Variants in KAZN observed in about 807,000 individuals in gnomAD.
The protein encoded by KAZN is kazrin, periplakin interacting protein, also known as kazrin.
In KAZN, 40 loss-of-function variants were observed where a neutral mutation model predicts 87.4. The ratio of observed to expected loss-of-function variants is 0.46; its 90% CI spans 0.36 to 0.60. KAZN has a LOEUF of 0.60. KAZN is among the 20% of genes least tolerant of loss of function. The pLI is 0.00. For synonymous variants in KAZN, 466 were observed against 458.3 expected (o/e 1.02, Z -0.22); for missense variants, 898 against 1,073.9 (o/e 0.84, Z 2.29).
At chr1:14,467,352 A>C (rs1189216105) in intron 2 of KAZN, among the ~76,000 whole-genome samples, 2 of 151,940 alleles carry the variant, frequency 1.3e-5, no homozygotes, top group East Asian at 3.8e-4. Context: ...ACAACAAGGA[A>C]AATAAAATGG....
At chr1:14,781,968 G>A (rs978038600) in intron 1 of KAZN, among the ~76,000 whole-genome samples, 1 of 152,142 alleles carries the variant, frequency 6.6e-6, no homozygotes. Flanking sequence ...TGAGTTCTGT[G>A]TCTTTGGACA....
intron 2 of KAZN, among the ~76,000 whole-genome samples, chr1:14,549,881 CTCTT>C (rs1673401120): frequency 6.6e-6 from 1 of 152,190 alleles, no homozygotes; most frequent in African/African-American, 2.4e-5. Context: ...CTCTGGTTTT[CTCTT>C]TCTTTATTTT....
At chr1:15,033,447 G>A (rs1671938272) in intron 2 of KAZN, among the ~76,000 whole-genome samples, 3 of 152,124 alleles carry the variant, frequency 2.0e-5, no homozygotes, top group South Asian at 4.1e-4. Context: ...GAGTAGAATC[G>A]CAGGGTCGTA....
intron 2 of KAZN, among the ~76,000 whole-genome samples, chr1:14,480,099 C>G (rs1039967481): frequency 6.6e-6 from 1 of 152,222 alleles, no homozygotes; most frequent in Non-Finnish European, 1.5e-5. Context: ...CCCACAAGGA[C>G]GGAGACCAGA....
intron 1 of KAZN, among the ~76,000 whole-genome samples, chr1:13,926,393 C>T (rs1350422367): frequency 6.6e-6 from 1 of 152,124 alleles, no homozygotes; most frequent in Non-Finnish European, 1.5e-5. Flanking sequence ...TTTTCTTACC[C>T]TGAAATTTTC....
intron 1 of KAZN, among the ~76,000 whole-genome samples, chr1:14,835,306 G>A (rs957109411): frequency 2.6e-5 from 4 of 152,148 alleles, no homozygotes; most frequent in African/African-American, 9.7e-5. Context: ...AATTAAAATT[G>A]GCTGTAAAGT....
chr1:13,993,231 G>A (rs1327170999), intron 1 of KAZN, among the ~76,000 whole-genome samples: 1 of 152,170 alleles, frequency 6.6e-6, no homozygotes, highest in Non-Finnish European at 1.5e-5. Context: ...AGCACTGCAG[G>A]GGGTTGGAGG....
chr1:15,088,531 C>G (rs934682432), intron 8 of KAZN, among the ~76,000 whole-genome samples: 1 of 152,206 alleles, frequency 6.6e-6, no homozygotes, highest in Non-Finnish European at 1.5e-5. Context: ...TCAGCCAGCA[C>G]CCGCGACTCG....
chr1:14,110,854 G>A lies in KAZN; in HGVS notation c.92-69581G>A, dbSNP rs921111436. On this transcript the variant is annotated intron_variant, in intron 1 of 16. Coordinates refer to the KAZN transcript ENST00000636203. ...TACATGTTAAGATGACAATGACGAT[G>A]TTTTGGCTGTGCTAAATAAAATATA... Among the ~76,000 whole-genome samples the A allele has an allele frequency of 2.2e-5, 3 of 135,190 alleles. 1 individual carries two copies. The highest frequency in any genetic ancestry group is 3.2e-5 in the Non-Finnish European group (2 of 63,062). The allele number at this position is 135,190 out of a possible 152,430, so 88.7% of individuals were successfully genotyped here.
chr1:14,562,679 G>A (rs1291950710), intron 2 of KAZN, among the ~76,000 whole-genome samples: 1 of 152,228 alleles, frequency 6.6e-6, no homozygotes, highest in Non-Finnish European at 1.5e-5. Context: ...ACCTATTTCT[G>A]CAGATGTTGG....
intron 1 of KAZN, among the ~76,000 whole-genome samples, chr1:14,723,999 T>C (rs999520504): frequency 1.3e-5 from 2 of 152,320 alleles, no homozygotes; most frequent in African/African-American, 4.8e-5. Context: ...ACCAGCTCTG[T>C]ACTTTCAGCT....
chr1:14,465,938 G>A (rs1389027494), intron 2 of KAZN, among the ~76,000 whole-genome samples: 1 of 151,976 alleles, frequency 6.6e-6, no homozygotes, highest in Non-Finnish European at 1.5e-5. Flanking sequence ...TCTATATTTA[G>A]GTATGTTTAG....
In KAZN at chr1:14,726,951, C is replaced by G. The variant is rs1348067223; in HGVS notation, c.226+127728C>G. ...TGAAGCTACCTGTCCAAGGCCATCC[C>G]TCTGTGGTGATGCCAACACTCAGAC... is the stretch of plus-strand genomic sequence containing the variant. On this transcript the variant is annotated intron_variant, in intron 1 of 14. Coordinates refer to ENST00000376030, the MANE Select transcript of KAZN (RefSeq NM_201628.3). 2.0e-5 allele frequency among the ~76,000 whole-genome samples: 3 copies of G among 152,180 alleles called. No individual in the cohort carries two copies. The East Asian group carries it at 5.8e-4, about 29-fold the overall frequency.
chr1:14,361,499 A>C (rs1023682877), intron 2 of KAZN, among the ~76,000 whole-genome samples: 1 of 152,344 alleles, frequency 6.6e-6, no homozygotes, highest in Middle Eastern at 3.4e-3. Flanking sequence ...CTAGGGTATG[A>C]AAAAAACTGC....
chr1:13,933,950 T>C (rs1368938267), intron 1 of KAZN, among the ~76,000 whole-genome samples: 1 of 152,142 alleles, frequency 6.6e-6, no homozygotes, highest in Non-Finnish European at 1.5e-5. Flanking sequence ...AAGAAGACCG[T>C]CAGAGACAAA....
rs1347275898 is a variant in KAZN, at chr1:14,382,609, A to G, written c.249+202017A>G. ...TCGCGATAGTTTACTGAGAATGATG[A>G]TTTCCAATTTCATCCATGTCCCTAC... On this transcript the variant is annotated intron_variant, in intron 2 of 16. Transcript: ENST00000636203. Among the ~76,000 whole-genome samples, 3 of 148,154 alleles carry G rather than the reference A, an allele frequency of 2.0e-5. No homozygotes were observed. In the East Asian group the frequency reaches 6.1e-4, roughly 30 times the overall value.
intron 1 of KAZN, among the ~76,000 whole-genome samples, chr1:14,639,697 A>G (rs1448534433): frequency 6.6e-6 from 1 of 151,788 alleles, no homozygotes; most frequent in East Asian, 1.9e-4. Flanking sequence ...CCCTAATTCC[A>G]TAGGCAACAC....
intron 2 of KAZN, among the ~76,000 whole-genome samples, chr1:14,196,363 G>A (rs1646526161): frequency 6.6e-6 from 1 of 152,144 alleles, no homozygotes; most frequent in Admixed American, 6.6e-5. Context: ...TGGAAACTAG[G>A]TGACCTATTA....
At chr1:14,651,014 A>G (rs776726787) in intron 1 of KAZN, among the ~76,000 whole-genome samples, 1 of 152,236 alleles carries the variant, frequency 6.6e-6, no homozygotes, top group Non-Finnish European at 1.5e-5. Flanking sequence ...CTAAAACTCC[A>G]TGAATCTCAA....
Sources: allele counts gnomAD v4.1 joint callset (sites outside exome capture counted in the v4.1 genomes callset), GRCh38; gene constraint gnomAD v4.1.1; transcripts MANE v1.5; gene names NCBI Gene and HGNC (gene_info 2026-07-23, HGNC 2026-07-21).